The following MAD1L1 variants were observed in gnomAD, a reference collection of about 807,000 sequenced individuals.
The protein encoded by MAD1L1 is mitotic arrest deficient 1 like 1.
MAD1L1 carries 95 observed loss-of-function variants against 96.9 expected under a neutral mutation model. The ratio of observed to expected loss-of-function variants is 0.98; its 90% CI spans 0.83 to 1.16. MAD1L1 has a LOEUF of 1.16. Among genes scored for constraint, MAD1L1 ranks in the 50% most tolerant of loss-of-function variants. MAD1L1 has a pLI of 0.00. For synonymous variants in MAD1L1, 473 were observed against 396.6 expected (o/e 1.19, Z -2.29); for missense variants, 1,007 against 954.4 (o/e 1.06, Z -0.73).
intron 17 of MAD1L1, among the ~76,000 whole-genome samples, chr7:1,902,173 T>G (rs1787287344): frequency 1.3e-5 from 2 of 152,260 alleles, no homozygotes; most frequent in South Asian, 4.1e-4. Context: ...GCCCCACACC[T>G]GCCTCCTCCT....
At chr7:2,024,231 G>A (rs149199894) in intron 12 of MAD1L1, among the ~76,000 whole-genome samples, 152 of 152,228 alleles carry the variant, frequency 1.0e-3, no homozygotes, top group African/African-American at 3.0e-3. Context: ...GCAACTCTAC[G>A]CCCAGAAATT....
chr7:2,204,655 G>C (rs1049438757), intron 10 of MAD1L1, among the ~76,000 whole-genome samples: 1 of 152,240 alleles, frequency 6.6e-6, no homozygotes, highest in Admixed American at 6.5e-5. Context: ...ATTACACTGC[G>C]TGGAGACGCC....
chr7:2,034,998 G>A (rs1179218517), intron 12 of MAD1L1, among the ~76,000 whole-genome samples: 1 of 152,244 alleles, frequency 6.6e-6, no homozygotes, highest in African/African-American at 2.4e-5. Flanking sequence ...CAGCAGCACA[G>A]GGGGCCACAA....
chr7:2,226,158 C>T (rs1404546328), intron 3 of MAD1L1, among the ~76,000 whole-genome samples: 1 of 152,230 alleles, frequency 6.6e-6, no homozygotes, highest in Non-Finnish European at 1.5e-5. Flanking sequence ...GTACATCAAG[C>T]CCACCAGGGA....
At chr7:2,169,300 C>G (rs373024327) in intron 10 of MAD1L1, among the ~76,000 whole-genome samples, 5 of 152,100 alleles carry the variant, frequency 3.3e-5, no homozygotes, top group Non-Finnish European at 7.4e-5. Flanking sequence ...GGTGGGATTA[C>G]GGGGGATTGG....
chr7:1,875,858 G>A (rs1785359998), intron 18 of MAD1L1, among the ~76,000 whole-genome samples: 1 of 152,196 alleles, frequency 6.6e-6, no homozygotes, highest in African/African-American at 2.4e-5. Flanking sequence ...AAGGAGGGAA[G>A]TTAAGTCTGA....
chr7:2,019,828 A>C (rs4719395), intron 12 of MAD1L1, among the ~76,000 whole-genome samples: 28,957 of 152,070 alleles, frequency 0.19, 5,431 homozygotes, highest in African/African-American at 0.48. Context: ...CCTGGCCCCC[A>C]CAACCAACTA....
At chr7:2,038,376 A>G (rs60604972) in intron 12 of MAD1L1, among the ~76,000 whole-genome samples, 166 of 152,322 alleles carry the variant, frequency 1.1e-3, no homozygotes, top group African/African-American at 3.8e-3. Context: ...CAGTGCACAT[A>G]AAACAGCCTT....
intron 12 of MAD1L1, among the ~76,000 whole-genome samples, chr7:2,056,140 A>T (rs770807275): frequency 6.6e-6 from 1 of 152,256 alleles, no homozygotes. Context: ...AGGGAACATG[A>T]TGACTGTCTG....
At chr7:2,112,344 C>G (rs896338969) in intron 11 of MAD1L1, among the ~76,000 whole-genome samples, 1 of 152,034 alleles carries the variant, frequency 6.6e-6, no homozygotes, top group Non-Finnish European at 1.5e-5. Flanking sequence ...AATGAAACAC[C>G]AGCTCTAAGC....
chr7:1,953,623 T>C (rs1779597513), intron 16 of MAD1L1, among the ~76,000 whole-genome samples: 1 of 152,230 alleles, frequency 6.6e-6, no homozygotes, highest in Non-Finnish European at 1.5e-5. Context: ...GTCAGAAGAA[T>C]AAAGTGGCGC....
chr7:2,145,198 T>C lies in MAD1L1; in HGVS notation c.1073+3954A>G, dbSNP rs960825677. On this transcript the variant is annotated intron_variant, in intron 11 of 18. Transcript: ENST00000265854. ...CCGAGAGCTGCTGCACCAGGCACGT[T>C]ACCAACGTCATCCCGCTGAATCCTC... 2.6e-5 allele frequency among the ~76,000 whole-genome samples: 4 copies of C among 152,142 alleles called. No homozygotes were observed. The South Asian group carries it at 8.3e-4, about 32-fold the overall frequency.
intron 16 of MAD1L1, among the ~76,000 whole-genome samples, chr7:1,939,933 G>A (rs879337590): frequency 6.6e-6 from 1 of 152,228 alleles, no homozygotes; most frequent in Admixed American, 6.5e-5. Flanking sequence ...CTCCAACAGG[G>A]AGAGAGGAGA....
At chr7:1,879,922 G>A (rs1273231866) in intron 18 of MAD1L1, among the ~76,000 whole-genome samples, 1 of 152,110 alleles carries the variant, frequency 6.6e-6, no homozygotes, top group East Asian at 1.9e-4. Context: ...AGCAGAGACG[G>A]GATTTCACTC....
At chr7:2,038,093 C>T (rs191634116) in intron 12 of MAD1L1, among the ~76,000 whole-genome samples, 112 of 152,254 alleles carry the variant, frequency 7.4e-4, no homozygotes, top group African/African-American at 2.5e-3. Context: ...ATTGCTGATA[C>T]GGAGAAGTCT....
rs547916608 is a variant in MAD1L1, at chr7:1,864,604, C to T, written c.1998+33596G>A. On this transcript the variant is annotated intron_variant, in intron 18 of 18. Coordinates refer to ENST00000265854, the MANE Select transcript of MAD1L1 (RefSeq NM_001013836.2). Reference sequence around the variant, plus strand: ...GAGCTGATGCCCAGAACTGCTGCAGCGGTGCCCTTCCCCCATGCGGGGCTG... The same window carrying T: ...GAGCTGATGCCCAGAACTGCTGCAGTGGTGCCCTTCCCCCATGCGGGGCTG... Among the ~76,000 whole-genome samples the T allele has an allele frequency of 2.3e-3, 356 of 152,358 alleles. 1 individual carries two copies. The highest frequency in any genetic ancestry group is 8.0e-3 in the African/African-American group (332 of 41,566).
intron 15 of MAD1L1, among the ~76,000 whole-genome samples, chr7:1,977,824 C>G (rs1033266688): frequency 1.3e-5 from 2 of 152,254 alleles, no homozygotes; most frequent in African/African-American, 4.8e-5. Context: ...CAGCGTGACG[C>G]AGGCTCCTGC....
intron 18 of MAD1L1, among the ~76,000 whole-genome samples, chr7:1,861,423 G>A (rs992020481): frequency 3.3e-5 from 5 of 150,818 alleles, no homozygotes; most frequent in African/African-American, 1.2e-4. Context: ...CCTGGTTGGA[G>A]GGACACTGCT....
At chr7:1,894,965 G>T (rs919143512) in intron 18 of MAD1L1, among the ~76,000 whole-genome samples, 1 of 152,116 alleles carries the variant, frequency 6.6e-6, no homozygotes, top group Non-Finnish European at 1.5e-5. Context: ...GACCCTCAAG[G>T]GACAACGAAC....
Sources: allele counts gnomAD v4.1 joint callset (sites outside exome capture counted in the v4.1 genomes callset), GRCh38; gene constraint gnomAD v4.1.1; transcripts MANE v1.5; gene names NCBI Gene and HGNC (gene_info 2026-07-23, HGNC 2026-07-21).